TRAK2: variants seen among roughly 807,000 people sequenced by gnomAD.
TRAK2 encodes the protein trafficking kinesin-binding protein 2.
TRAK2 carries 81 observed loss-of-function variants against 104.6 expected under a neutral mutation model. The observed-to-expected ratio is 0.77, with a 90% CI of 0.65 to 0.93. The LOEUF (loss-of-function observed/expected upper bound fraction) is 0.93. Ranked by LOEUF, TRAK2 falls within the 40% of genes least tolerant of loss-of-function variation. The pLI, the probability that TRAK2 is intolerant of heterozygous loss-of-function variation, is 0.00. For synonymous variants in TRAK2, 406 were observed against 394.4 expected (o/e 1.03, Z -0.35); for missense variants, 1,002 against 1,089.0 (o/e 0.92, Z 1.12).
intron 2 of TRAK2, among the ~76,000 whole-genome samples, chr2:201,414,670 T>C (rs1951676952): frequency 6.6e-6 from 1 of 152,144 alleles, no homozygotes; most frequent in African/African-American, 2.4e-5. Flanking sequence ...ATCTCTTAAA[T>C]AGGAGACCTG....
intron 2 of TRAK2, chr2:201,412,664 C>T (rs1037551153): frequency 5.1e-6 from 8 of 1,557,390 alleles, no homozygotes; most frequent in Non-Finnish European, 7.0e-6. Flanking sequence ...GGGTCCCATT[C>T]TTTACAAGGA....
rs1470431768 is a variant in TRAK2 at position 201,447,819 on chromosome 2, C to G, written c.-200+3531G>C. ...CCCCTTTTCTCTGCCCAGGCTAATT[C>G]CCATTTGTTTTCCCAAGACTGGTCC... is the stretch of plus-strand genomic sequence containing the variant. On this transcript the variant is annotated intron_variant, in intron 1 of 15. Coordinates refer to ENST00000332624, the MANE Select transcript of TRAK2 (RefSeq NM_015049.3). This position sits in a 1 kb window ranked among gnomAD's most constrained non-coding sequence, Gnocchi z 4.1. 1.3e-5 allele frequency among the ~76,000 whole-genome samples: 2 copies of G among 152,164 alleles called. No individual in the cohort carries two copies. The highest frequency in any genetic ancestry group is 4.8e-5 in the African/African-American group (2 of 41,430).
chr2:201,392,953 T>C lies in TRAK2; in HGVS notation c.1069A>G (p.Thr357Ala). 6.2e-7 allele frequency: 1 copy of C among 1,613,668 alleles called. No individual in the cohort carries two copies. Among genetic ancestry groups the C allele is most frequent in the Non-Finnish European group, 8.5e-7 (1 of 1,179,774 alleles). ...IKELRSRSGP[T>A]AHLYFSQSYG... ...GATTGGGAGAAGTAGAGATGAGCAG[T>C]AGGGCCAGATCTACTACGAAGTTCC... Residue 357 changes from threonine to alanine, a missense_variant, in exon 10 of 16, where the codon ACT becomes GCT. Coordinates refer to ENST00000332624, the MANE Select transcript of TRAK2 (RefSeq NM_015049.3).
chr2:201,412,864 T>C, intron 2 of TRAK2: 2 of 804,300 alleles, frequency 2.5e-6, no homozygotes, highest in South Asian at 2.8e-5. Context: ...TTCTACATCA[T>C]AAAGTTTATA....
At chr2:201,406,767 T>C (rs1576518266) in intron 3 of TRAK2, among the ~76,000 whole-genome samples, 1 of 152,336 alleles carries the variant, frequency 6.6e-6, no homozygotes, top group African/African-American at 2.4e-5. Context: ...ATGCAGATTT[T>C]TGGGATCAAA....
chr2:201,389,063 C>T (rs558182231), intron 12 of TRAK2, among the ~76,000 whole-genome samples: 8 of 152,222 alleles, frequency 5.3e-5, no homozygotes, highest in African/African-American at 1.4e-4. Flanking sequence ...ATTATGAGCA[C>T]GGATTATGAG....
intron 1 of TRAK2, among the ~76,000 whole-genome samples, 174 bp from the exon 2 acceptor site, chr2:201,420,880 G>A (rs1240591367): frequency 6.6e-6 from 1 of 152,174 alleles, no homozygotes; most frequent in Non-Finnish European, 1.5e-5. Context: ...CACAGTTTAT[G>A]ACTTCATTTA....
chr2:201,419,967 A>C (rs923099779), intron 2 of TRAK2, among the ~76,000 whole-genome samples: 4 of 152,198 alleles, frequency 2.6e-5, no homozygotes, highest in African/African-American at 9.7e-5. Flanking sequence ...TTCTGAATAA[A>C]AGTGTAGAAA....
chr2:201,386,475 G>C lies in TRAK2; in HGVS notation c.1706C>G (p.Thr569Ser). The C allele has an allele frequency of 5.0e-6, 8 of 1,614,064 alleles. No individual in the cohort carries two copies. Among genetic ancestry groups the C allele is most frequent in the Non-Finnish European group, 5.9e-6 (7 of 1,179,928 alleles). Residue 569 changes from threonine (T) to serine (S), a missense_variant, in exon 14 of 16, where the codon ACT becomes AGT. Thr to Ser is a moderately conservative substitution (Grantham distance 58, BLOSUM62 1). Transcript: ENST00000332624. Reference protein sequence around the residue: ...QIVKPLEGSQTLYHWQQLAQP... With the variant: ...QIVKPLEGSQSLYHWQQLAQP... ...AGCAAGCTGCTGCCAGTGATACAGA[G>C]TTTGTGATCCTGAATATGCAAAACA...
chr2:201,447,377 T>C lies in TRAK2; in HGVS notation c.-200+3973A>G, dbSNP rs1246640602. Among the ~76,000 whole-genome samples, 1 of 152,242 alleles carries C rather than the reference T, an allele frequency of 6.6e-6. No individual in the cohort carries two copies. Among genetic ancestry groups the C allele is most frequent in the Non-Finnish European group, 1.5e-5 (1 of 68,034 alleles). The stretch of plus-strand genomic sequence containing the variant: ...AACCACAGCTTAAAGCCTTTTTGTA[T>C]GTCATTCCTTTTGCCTAGAACACCT... On this transcript the variant is annotated intron_variant, in intron 1 of 15. Transcript: ENST00000332624. This position sits in a 1 kb window ranked among gnomAD's most constrained non-coding sequence, Gnocchi z 4.1.
intron 1 of TRAK2, among the ~76,000 whole-genome samples, chr2:201,441,977 C>G (rs1951928388): frequency 6.7e-6 from 1 of 149,692 alleles, no homozygotes; most frequent in Non-Finnish European, 1.5e-5. Context: ...CAGGTGTGAG[C>G]CACTGTGCCC....
intron 10 of TRAK2, among the ~76,000 whole-genome samples, chr2:201,390,550 C>T (rs753302108): frequency 4.7e-5 from 6 of 127,178 alleles, no homozygotes; most frequent in African/African-American, 1.2e-4. Context: ...GGTGACAGAG[C>T]GAGACTCCGT....
chr2:201,427,440 C>T (rs945861103), intron 1 of TRAK2, among the ~76,000 whole-genome samples: 5 of 151,490 alleles, frequency 3.3e-5, no homozygotes, highest in Admixed American at 6.6e-5. Flanking sequence ...TCTGTCCTTG[C>T]GATAGTTTGC....
At chr2:201,410,475 C>T in intron 2 of TRAK2, 1 of 713,590 alleles carries the variant, frequency 1.4e-6, no homozygotes, top group East Asian at 2.5e-5. Flanking sequence ...TTCCTCCAAG[C>T]CAACTACATA....
chr2:201,417,771 T>C (rs921300708), intron 2 of TRAK2, among the ~76,000 whole-genome samples: 9 of 152,270 alleles, frequency 5.9e-5, no homozygotes, highest in African/African-American at 1.4e-4. Flanking sequence ...AAAAGGAATA[T>C]GTAAAATTGT....
intron 3 of TRAK2, among the ~76,000 whole-genome samples, chr2:201,407,034 A>T (rs946535608): frequency 6.6e-6 from 1 of 152,250 alleles, no homozygotes; most frequent in African/African-American, 2.4e-5. Context: ...TAAAGATAAA[A>T]GTCAAAAGCT....
Position 201,408,846 on chromosome 2 carries a change from A to G in TRAK2, c.92-1249T>C, listed in dbSNP as rs1354513972. 2.6e-5 allele frequency among the ~76,000 whole-genome samples: 4 copies of G among 152,354 alleles called. No individual in the cohort carries two copies. The East Asian group carries it at 5.8e-4, about 22-fold the overall frequency. ...ATTCTTCAAAATCTGGAAAAATTAC[A>G]TTTTAGTATATTCTCAAAGTCATTA... On this transcript the variant is annotated intron_variant, in intron 2 of 15. Coordinates refer to ENST00000332624, the MANE Select transcript of TRAK2 (RefSeq NM_015049.3).
intron 2 of TRAK2, among the ~76,000 whole-genome samples, chr2:201,410,026 G>C (rs1439025635): frequency 2.0e-5 from 3 of 152,212 alleles, no homozygotes; most frequent in South Asian, 2.1e-4. Flanking sequence ...GGCCGGGCGC[G>C]GTGGCTCACG....
chr2:201,440,909 C>T (rs10186894), intron 1 of TRAK2, among the ~76,000 whole-genome samples: 107,870 of 152,028 alleles, frequency 0.71, 38,568 homozygotes, highest in South Asian at 0.88. Context: ...ACTAGTCATT[C>T]TTCCCTCACT....
Sources: gnomAD v4.1 joint callset for allele counts (sites outside exome capture counted in the v4.1 genomes callset) on GRCh38, gnomAD v4.1.1 for gene constraint, Gnocchi (gnomAD v3.1) non-coding constraint, MANE v1.5 for transcripts, NCBI Gene and HGNC (gene_info 2026-07-23, HGNC 2026-07-21) for gene names.